MAML2: variants seen among roughly 807,000 people sequenced by gnomAD.
MAML2 encodes mastermind like transcriptional coactivator 2, also known as mastermind-like protein 2.
A neutral mutation model predicts 96.1 loss-of-function variants in MAML2; 22 were observed. The ratio of observed to expected loss-of-function variants is 0.23; its 90% confidence interval spans 0.16 to 0.33. The LOEUF is 0.33. Among genes scored for constraint, MAML2 ranks in the 10% least tolerant of loss-of-function variants. The pLI is 1.00. For synonymous variants in MAML2, 561 were observed against 521.3 expected, an observed-to-expected ratio of 1.08 and a Z score of -1.04; for missense variants, 1,367 against 1,392.4, an observed-to-expected ratio of 0.98 and a Z score of 0.29.
intron 2 of MAML2, among the ~76,000 whole-genome samples, chr11:96,049,916 T>G (rs1232196765): frequency 6.6e-6 from 1 of 152,206 alleles, no homozygotes; most frequent in Admixed American, 6.5e-5. Context: ...ATTAATAATT[T>G]AAATCAGGGA....
At chr11:96,030,033 A>G (rs1465302710) in intron 2 of MAML2, among the ~76,000 whole-genome samples, 1 of 152,128 alleles carries the variant, frequency 6.6e-6, no homozygotes. Flanking sequence ...GACGTTCGAG[A>G]CCAACCTGGC....
chr11:96,090,576 T>C (rs1160870210), intron 2 of MAML2, among the ~76,000 whole-genome samples: 1 of 152,172 alleles, frequency 6.6e-6, no homozygotes, highest in Non-Finnish European at 1.5e-5. Context: ...GACTTGTTTT[T>C]AAATGCTCCC....
intron 1 of MAML2, among the ~76,000 whole-genome samples, chr11:96,261,847 A>G (rs1345021469): frequency 1.3e-5 from 2 of 152,254 alleles, no homozygotes; most frequent in Non-Finnish European, 2.9e-5. Flanking sequence ...ACAATTTTAT[A>G]ATTATTTTTT....
intron 1 of MAML2, among the ~76,000 whole-genome samples, chr11:96,203,177 T>A (rs1861850195): frequency 6.6e-6 from 1 of 152,242 alleles, no homozygotes; most frequent in Non-Finnish European, 1.5e-5. Flanking sequence ...AGGCTGTGTT[T>A]TAGGCACTGG....
chr11:95,993,211 A>G (rs932328973), intron 2 of MAML2, among the ~76,000 whole-genome samples: 1 of 151,702 alleles, frequency 6.6e-6, no homozygotes, highest in African/African-American at 2.4e-5. Context: ...TGCCCAGAAA[A>G]AAAAAAAAAA....
chr11:96,034,432 T>TGTGTGTGAGAGA (rs549312275), intron 2 of MAML2, among the ~76,000 whole-genome samples: 12 of 135,746 alleles, frequency 8.8e-5, no homozygotes, highest in African/African-American at 1.7e-4. Context: ...TGTGTGTGTG[T>TGTGTGTGAGAGA]GAGAGAGAGA....
At chr11:96,132,653 C>T (rs993056087) in intron 1 of MAML2, among the ~76,000 whole-genome samples, 7 of 152,148 alleles carry the variant, frequency 4.6e-5, no homozygotes, top group Non-Finnish European at 1.0e-4. Context: ...ATGGATATAG[C>T]GTGTTCTTAG....
chr11:96,251,691 G>A (rs1420618449), intron 1 of MAML2, among the ~76,000 whole-genome samples: 2 of 151,528 alleles, frequency 1.3e-5, no homozygotes, highest in African/African-American at 4.9e-5. Context: ...TGGAATGTTG[G>A]AGAAGCATCA....
chr11:96,185,944 C>T lies in MAML2; in HGVS notation c.514-92427G>A, dbSNP rs77990210. Among the ~76,000 whole-genome samples the T allele has an allele frequency of 4.9e-3, 744 of 152,298 alleles. 10 individuals carry two copies. Among genetic ancestry groups the T allele is most frequent in the East Asian group, 0.027 (139 of 5,180 alleles). On this transcript the variant is annotated intron_variant, in intron 1 of 4. Transcript: ENST00000524717. ...CACAGATCCACAGCATAGGTACCAA[C>T]AGAAAGCACCTTTCAAATACAGACT...
intron 1 of MAML2, among the ~76,000 whole-genome samples, chr11:96,240,609 G>C (rs900686551): frequency 2.8e-5 from 4 of 144,766 alleles, no homozygotes; most frequent in Non-Finnish European, 6.0e-5. Flanking sequence ...GTCTGTGTCA[G>C]TGTTATATAT....
In MAML2 at chr11:95,991,670, G is replaced by A; in HGVS notation, c.2193C>T (p.Pro731=). The part of the protein sequence containing the change: ...QNTGPSPSPN[P]CSNPNTGSGY... ...CACTTCCAGTGTTTGGATTTGAGCA[G>A]GGGTTAGGACTTGGACTGGGGCCTG... The change falls in exon 3 of 5, where the codon CCC becomes CCT. Residue 731 remains proline, a synonymous_variant. Transcript: ENST00000524717. 5 of 1,613,762 alleles carry A rather than the reference G, an allele frequency of 3.1e-6. No homozygotes were observed. The highest frequency in any genetic ancestry group is 4.2e-6 in the Non-Finnish European group (5 of 1,179,740).
At chr11:96,072,912 G>C (rs1332621727) in intron 2 of MAML2, among the ~76,000 whole-genome samples, 1 of 152,152 alleles carries the variant, frequency 6.6e-6, no homozygotes, top group African/African-American at 2.4e-5. Flanking sequence ...TTGTCTCATG[G>C]TGGCTCCATT....
At chr11:96,126,770 C>T (rs1860445745) in intron 1 of MAML2, among the ~76,000 whole-genome samples, 1 of 152,144 alleles carries the variant, frequency 6.6e-6, no homozygotes, top group Non-Finnish European at 1.5e-5. Context: ...ATTATATATT[C>T]ATTGATTCAT....
At chr11:96,302,833 G>A (rs550593773) in intron 1 of MAML2, among the ~76,000 whole-genome samples, 13 of 152,148 alleles carry the variant, frequency 8.5e-5, no homozygotes, top group Admixed American at 3.3e-4. Context: ...GATGTACTAC[G>A]CTCCAGGTTT....
At chr11:96,152,900 C>A (rs1361376857) in intron 1 of MAML2, among the ~76,000 whole-genome samples, 1 of 152,158 alleles carries the variant, frequency 6.6e-6, no homozygotes, top group African/African-American at 2.4e-5. Context: ...AGATTGGATG[C>A]AAGCAAGGGA....
rs1267483846 is a variant in MAML2, at chr11:96,342,705, C to G, written c.-810G>C. 1 of 340,068 alleles carries G rather than the reference C, an allele frequency of 2.9e-6. No individual in the cohort carries two copies. The highest frequency in any genetic ancestry group is 5.3e-6 in the Non-Finnish European group (1 of 189,800). 21.1% of individuals were successfully genotyped at this position (340,068 alleles called of 1,614,324 possible). On this transcript the variant is annotated 5_prime_UTR_variant, in exon 1 of 5. Coordinates refer to ENST00000524717, the MANE Select transcript of MAML2 (RefSeq NM_032427.4). ...CTTTTTTCTTCAGCTAATCCAATCA[C>G]CGGTAAAATCCTCACTCCCTCTAAG...
intron 1 of MAML2, among the ~76,000 whole-genome samples, chr11:96,286,724 A>G (rs1455714709): frequency 6.6e-6 from 1 of 152,054 alleles, no homozygotes; most frequent in Non-Finnish European, 1.5e-5. Flanking sequence ...GTACAAAATG[A>G]ATATACATAT....
chr11:96,122,052 C>G (rs1230630027), intron 1 of MAML2, among the ~76,000 whole-genome samples: 1 of 144,112 alleles, frequency 6.9e-6, no homozygotes, highest in Admixed American at 7.2e-5. Context: ...CCTCGTGATC[C>G]GCCTGCCTCG....
At chr11:96,144,694 A>G (rs1352977161) in intron 1 of MAML2, among the ~76,000 whole-genome samples, 1 of 152,216 alleles carries the variant, frequency 6.6e-6, no homozygotes, top group Admixed American at 6.5e-5. Context: ...AAATAATAAG[A>G]ATACTTGCTA....
Sources: gnomAD v4.1 joint callset for allele counts (sites outside exome capture counted in the v4.1 genomes callset) on GRCh38, gnomAD v4.1.1 for gene constraint, MANE v1.5 for transcripts, NCBI Gene and HGNC (gene_info 2026-07-23, HGNC 2026-07-21) for gene names.